The following GPR63 variants were observed in gnomAD, a reference collection of about 807,000 sequenced individuals.
The protein encoded by GPR63 is probable G protein-coupled receptor 63.
Under a neutral mutation model 23.1 loss-of-function variants are expected in GPR63, and 12 were observed. That is an observed-to-expected ratio of 0.52 (90% CI 0.33 to 0.84). The LOEUF is 0.84. GPR63 is among the 40% of genes least tolerant of loss of function. The pLI, the probability that GPR63 is intolerant of heterozygous loss-of-function variation, is 0.02. For missense variants in GPR63, 472 were observed against 515.6 expected (o/e 0.92, Z 0.82); for synonymous variants, 172 against 191.1 (o/e 0.90, Z 0.82).
rs1773573717 is a variant in GPR63, at chr6:96,796,154, A to G, written c.*2318T>C. On this transcript the variant is annotated 3_prime_UTR_variant, in exon 2 of 2. Transcript: ENST00000229955. ...GCCCCAACTCCTGATACAGTGCCAC[A>G]CTCTTCAGACATTTAATATTAAGAA... 1 of 152,174 alleles carries G rather than the reference A, an allele frequency of 6.6e-6. No homozygotes were observed. Among genetic ancestry groups the G allele is most frequent in the African/African-American group, 2.4e-5 (1 of 41,430 alleles). 9.4% of individuals were successfully genotyped at this position (152,174 alleles called of 1,614,324 possible).
At chr6:96,821,499 A>G (rs1340714422) in intron 1 of GPR63, among the ~76,000 whole-genome samples, 2 of 152,152 alleles carry the variant, frequency 1.3e-5, no homozygotes, top group East Asian at 3.8e-4. Context: ...AAAAAGGTAC[A>G]GCTTCTTTTG....
intron 1 of GPR63, among the ~76,000 whole-genome samples, chr6:96,819,578 A>C (rs1774249489): frequency 6.6e-6 from 1 of 152,050 alleles, no homozygotes. Flanking sequence ...GCAGGGCTTA[A>C]AACCTAAATG....
intron 1 of GPR63, among the ~76,000 whole-genome samples, chr6:96,815,181 T>G (rs1393409867): frequency 1.3e-5 from 2 of 152,208 alleles, no homozygotes; most frequent in African/African-American, 4.8e-5. Context: ...GCGAGATAAT[T>G]TAACTTCATG....
At chr6:96,834,275 A>T (rs1216950532) in intron 1 of GPR63, among the ~76,000 whole-genome samples, 1 of 152,124 alleles carries the variant, frequency 6.6e-6, no homozygotes, top group Admixed American at 6.5e-5. Flanking sequence ...CACACTTCAA[A>T]TCATTTGGAA....
chr6:96,814,027 A>T (rs1774104394), intron 1 of GPR63, among the ~76,000 whole-genome samples: 1 of 152,210 alleles, frequency 6.6e-6, no homozygotes, highest in Non-Finnish European at 1.5e-5. Flanking sequence ...AAAGAAAACA[A>T]TTGTAGTATT....
intron 1 of GPR63, among the ~76,000 whole-genome samples, chr6:96,806,361 T>C (rs1773898616): frequency 6.6e-6 from 1 of 152,212 alleles, no homozygotes; most frequent in African/African-American, 2.4e-5. Flanking sequence ...TTCTGGACTC[T>C]GGAGGCAACA....
intron 1 of GPR63, among the ~76,000 whole-genome samples, chr6:96,832,805 C>A (rs1774622628): frequency 6.8e-6 from 1 of 147,598 alleles, no homozygotes; most frequent in Admixed American, 6.8e-5. Context: ...AAAAAAAAAA[C>A]AGATTTGAAA....
chr6:96,824,442 TTTAATA>T (rs1774387825), intron 1 of GPR63, among the ~76,000 whole-genome samples: 1 of 151,934 alleles, frequency 6.6e-6, no homozygotes, highest in Non-Finnish European at 1.5e-5. Flanking sequence ...ATTTCTAAAT[TTTAATA>T]TTCAGTCAAG....
intron 1 of GPR63, among the ~76,000 whole-genome samples, chr6:96,812,659 G>A (rs1774071673): frequency 6.6e-6 from 1 of 151,898 alleles, no homozygotes; most frequent in African/African-American, 2.4e-5. Flanking sequence ...TCGGTGATAG[G>A]TTTTGTTTAT....
chr6:96,807,026 A>G (rs1773912902), intron 1 of GPR63, among the ~76,000 whole-genome samples: 1 of 152,266 alleles, frequency 6.6e-6, no homozygotes. Flanking sequence ...CATTTTGAAT[A>G]GTATACTTGG....
At chr6:96,800,120 T>C (rs1163311912) in intron 1 of GPR63, among the ~76,000 whole-genome samples, 1 of 152,234 alleles carries the variant, frequency 6.6e-6, no homozygotes, top group Middle Eastern at 3.2e-3. Context: ...AATCTCAAAA[T>C]GTGTTACTGC....
chr6:96,830,094 C>T (rs9398229), intron 1 of GPR63, among the ~76,000 whole-genome samples: 34,347 of 151,970 alleles, frequency 0.23, 4,521 homozygotes, highest in East Asian at 0.37. Context: ...TAATAAAAGG[C>T]CAAAAATAAC....
intron 1 of GPR63, among the ~76,000 whole-genome samples, chr6:96,818,761 T>A (rs894734827): frequency 1.3e-5 from 2 of 151,818 alleles, no homozygotes; most frequent in Admixed American, 1.3e-4. Flanking sequence ...TGGGAGAAAA[T>A]TTTTGCAATC....
At chr6:96,826,223 A>C (rs1039624362) in intron 1 of GPR63, among the ~76,000 whole-genome samples, 3 of 152,124 alleles carry the variant, frequency 2.0e-5, no homozygotes. Flanking sequence ...CAAAGCCTAG[A>C]TATATGAAGG....
chr6:96,831,733 C>T (rs925877221), intron 1 of GPR63, among the ~76,000 whole-genome samples: 28 of 151,752 alleles, frequency 1.8e-4, no homozygotes, highest in African/African-American at 6.8e-4. Flanking sequence ...ATGGTGAAAC[C>T]CCCATCTACG....
Position 96,798,359 on chromosome 6 carries a change from A to G in GPR63, c.*113T>C. ...ACCATTCTTTCTTTACACTGCTCAC[A>G]CACATACATACACAAACCCTATAAA... On this transcript the variant is annotated 3_prime_UTR_variant, in exon 2 of 2. Coordinates refer to ENST00000229955, the MANE Select transcript of GPR63 (RefSeq NM_030784.4). 9.9e-7 allele frequency: 1 copy of G among 1,011,830 alleles called. No individual in the cohort carries two copies. Among genetic ancestry groups the G allele is most frequent in the Non-Finnish European group, 1.4e-6 (1 of 691,006 alleles). 62.7% of individuals were successfully genotyped at this position (1,011,830 alleles called of 1,614,324 possible). A position where few individuals can be genotyped will look rare whatever the true frequency, so the allele number is the denominator to read the frequency against.
intron 1 of GPR63, among the ~76,000 whole-genome samples, chr6:96,812,017 G>A (rs2127951207): frequency 6.6e-6 from 1 of 152,082 alleles, no homozygotes; most frequent in South Asian, 2.1e-4. Context: ...TGGTTTAACT[G>A]TAAGTAGAGT....
chr6:96,799,236 T>A lies in GPR63; in HGVS notation c.496A>T (p.Ile166Leu). 1 of 1,614,056 alleles carries A rather than the reference T, an allele frequency of 6.2e-7. No homozygotes were observed. Among genetic ancestry groups the A allele is most frequent in the South Asian group, 1.1e-5 (1 of 91,064 alleles). ...VSAMFFWLFV[I>L]EGVAILLIIS... ...ATGAGCAGGATGGCTACTCCTTCTA[T>A]CACAAATAACCAGAAAAACATAGCA... Residue 166 changes from isoleucine to leucine, a missense_variant, in exon 2 of 2, where the codon ATA becomes TTA. By Grantham distance (5) the Ile-to-Leu change is conservative. Transcript: ENST00000229955.
In GPR63 at chr6:96,798,604, C is replaced by T. The variant is rs759264522; in HGVS notation, c.1128G>A (p.Lys376=). The T allele has an allele frequency of 6.2e-7, 1 of 1,614,106 alleles. No individual in the cohort carries two copies. Residue 376 remains lysine, a synonymous_variant, in exon 2 of 2, where the codon AAG becomes AAA. Coordinates refer to ENST00000229955, the MANE Select transcript of GPR63 (RefSeq NM_030784.4). ...LNPLIYYWRI[K]KFHDACLDMM... The stretch of plus-strand genomic sequence containing the variant: ...TGTCCAGGCAAGCATCATGGAATTT[C>T]TTAATCCTCCAGTAGTAGATCAGCG...
Sources: gnomAD v4.1 joint callset for allele counts (sites outside exome capture counted in the v4.1 genomes callset) on GRCh38, gnomAD v4.1.1 for gene constraint, MANE v1.5 for transcripts, NCBI Gene and HGNC (gene_info 2026-07-23, HGNC 2026-07-21) for gene names.